The following ASAP2 variants were observed in gnomAD, a reference collection of about 807,000 sequenced individuals.
ASAP2 encodes the protein ArfGAP with SH3 domain, ankyrin repeat and PH domain 2.
ASAP2 carries 45 observed loss-of-function variants against 131.4 expected under a neutral mutation model. That is an observed-to-expected ratio of 0.34 (90% CI 0.27 to 0.44). The LOEUF is 0.44. Among genes scored for constraint, ASAP2 ranks in the 20% least tolerant of loss-of-function variants. The probability of loss-of-function intolerance (pLI) is 1.00; values close to 1 mark genes in which losing one functional copy is unlikely to be tolerated. For synonymous variants in ASAP2, 510 were observed against 503.0 expected, an observed-to-expected ratio of 1.01 and a Z score of -0.19; for missense variants, 1,011 against 1,297.0, an observed-to-expected ratio of 0.78 and a Z score of 3.39.
At chr2:9,241,901 AG>A (rs1297690405) in intron 1 of ASAP2, among the ~76,000 whole-genome samples, 1 of 152,170 alleles carries the variant, frequency 6.6e-6, no homozygotes, top group Non-Finnish European at 1.5e-5. Context: ...TGCACATGTT[AG>A]GGTCCCAATA....
At chr2:9,395,551 G>GT (rs1397703335) in intron 24 of ASAP2, among the ~76,000 whole-genome samples, 1 of 91,320 alleles carries the variant, frequency 1.1e-5, no homozygotes, top group Non-Finnish European at 2.6e-5. Flanking sequence ...CTGTGTTTTT[G>GT]TTTTTTTGTT....
intron 15 of ASAP2, among the ~76,000 whole-genome samples, chr2:9,361,082 T>TCTCCCAGAGC (rs1673044527): frequency 6.6e-6 from 1 of 152,210 alleles, no homozygotes; most frequent in Admixed American, 6.5e-5. Context: ...TCCATTTCTG[T>TCTCCCAGAGC]CTCCCAGAGC....
rs566156336 is a variant in ASAP2, at chr2:9,302,239, C to G, written c.345+4794C>G. On this transcript the variant is annotated intron_variant, in intron 3 of 27. Transcript: ENST00000281419. Reference sequence around the variant, plus strand: ...CCAGGCTGGAGCGCAGTGGTGCAGTCTTGGCTCACTGCAGCCTCTGCCTCT... The same window carrying G: ...CCAGGCTGGAGCGCAGTGGTGCAGTGTTGGCTCACTGCAGCCTCTGCCTCT... Among the ~76,000 whole-genome samples, 13 of 133,778 alleles carry G rather than the reference C, an allele frequency of 9.7e-5. No homozygotes were observed. The East Asian group carries it at 3.0e-3, about 30-fold the overall frequency. 87.8% of individuals were successfully genotyped at this position (133,778 alleles called of 152,430 possible). A position where few individuals can be genotyped will look rare whatever the true frequency, so the allele number is the denominator to read the frequency against.
chr2:9,293,970 C>T (rs931275469), intron 2 of ASAP2, among the ~76,000 whole-genome samples: 7 of 150,642 alleles, frequency 4.6e-5, no homozygotes, highest in African/African-American at 1.7e-4. Flanking sequence ...ATCAATACAT[C>T]GTTTAGAAGA....
chr2:9,291,023 A>G (rs922904055), intron 2 of ASAP2, among the ~76,000 whole-genome samples: 8 of 152,204 alleles, frequency 5.3e-5, no homozygotes, highest in Non-Finnish European at 8.8e-5. Context: ...GAGACTAAAT[A>G]TCTAATTTTA....
chr2:9,390,396 A>G (rs548043683), intron 22 of ASAP2, among the ~76,000 whole-genome samples: 6 of 152,216 alleles, frequency 3.9e-5, no homozygotes, highest in Non-Finnish European at 8.8e-5. Flanking sequence ...CAGGCCGTGC[A>G]CAGCCTCCAA....
rs762271258 is a variant in ASAP2 at position 9,385,348 on chromosome 2, A to G, written c.2120A>G (p.Glu707Gly). 14 of 1,612,996 alleles carry G rather than the reference A, an allele frequency of 8.7e-6. No individual in the cohort carries two copies. Among genetic ancestry groups the G allele is most frequent in the Non-Finnish European group, 1.0e-5 (12 of 1,179,012 alleles). The change falls in exon 21 of 28, where the codon GAG becomes GGG. Residue 707 changes from glutamate to glycine, a missense_variant. Transcript: ENST00000281419. ...GATGAAAGTGATGACGACATGGATG[A>G]GAAATTGCAGGTCTGTGCCAGGTTG... Reference protein sequence around the residue: ...DLDESDDDMDEKLQPSPNRRE... With the variant: ...DLDESDDDMDGKLQPSPNRRE...
At chr2:9,288,685 C>T (rs1667615713) in intron 2 of ASAP2, among the ~76,000 whole-genome samples, 1 of 152,104 alleles carries the variant, frequency 6.6e-6, no homozygotes, top group African/African-American at 2.4e-5. Flanking sequence ...GCTTGTACTC[C>T]CCATACAACA....
At chr2:9,265,652 G>A (rs931202629) in intron 1 of ASAP2, among the ~76,000 whole-genome samples, 3 of 152,050 alleles carry the variant, frequency 2.0e-5, no homozygotes, top group Non-Finnish European at 4.4e-5. Flanking sequence ...AGTTTTAAGT[G>A]TTTGATATAT....
intron 3 of ASAP2, among the ~76,000 whole-genome samples, chr2:9,302,663 C>T (rs1361106511): frequency 2.0e-5 from 3 of 152,048 alleles, no homozygotes; most frequent in East Asian, 1.9e-4. Context: ...TTAGTACAGA[C>T]GGGGTTTCTC....
rs572909995 is a variant in ASAP2, at chr2:9,218,505, G to A, written c.126+11275G>A. Among the ~76,000 whole-genome samples the A allele has an allele frequency of 1.4e-3, 212 of 152,324 alleles. 1 individual carries two copies. The highest frequency in any genetic ancestry group is 6.8e-3 in the Middle Eastern group (2 of 294). On this transcript the variant is annotated intron_variant, in intron 1 of 27. Coordinates refer to ENST00000281419, the MANE Select transcript of ASAP2 (RefSeq NM_003887.3). ...CTGAAGGGTGAATCATGGATGTGGC[G>A]TGTCTAGGCAGACTTGGGTGGAGAG...
At chr2:9,218,619 C>T (rs1181335954) in intron 1 of ASAP2, among the ~76,000 whole-genome samples, 1 of 152,178 alleles carries the variant, frequency 6.6e-6, no homozygotes, top group Non-Finnish European at 1.5e-5. Context: ...CCCTGATAGC[C>T]TGAATCTGTT....
chr2:9,347,673 CTTAGCCAAGTCTGTT>C (rs1672057633), intron 11 of ASAP2, among the ~76,000 whole-genome samples: 1 of 152,168 alleles, frequency 6.6e-6, no homozygotes, highest in South Asian at 2.1e-4. Context: ...GAATTTCCTT[CTTAGCCAAGTCTGTT>C]TTCTGGCCCT....
chr2:9,387,074 TGGGTG>T (rs759358038), intron 21 of ASAP2, among the ~76,000 whole-genome samples: 5 of 95,734 alleles, frequency 5.2e-5, no homozygotes, highest in Non-Finnish European at 1.0e-4. Flanking sequence ...GGCTTGGTGG[TGGGTG>T]GGGGGGCGCC....
intron 3 of ASAP2, among the ~76,000 whole-genome samples, chr2:9,317,349 TCA>T (rs963565112): frequency 1.5e-5 from 2 of 129,834 alleles, no homozygotes; most frequent in African/African-American, 6.0e-5. Flanking sequence ...ACACACACCC[TCA>T]CACAATCATT....
At chr2:9,212,520 C>T (rs1349830634) in intron 1 of ASAP2, among the ~76,000 whole-genome samples, 1 of 152,160 alleles carries the variant, frequency 6.6e-6, no homozygotes, top group Admixed American at 6.6e-5. Flanking sequence ...TGGTGGCCAG[C>T]TCGGCGTCTG....
intron 9 of ASAP2, among the ~76,000 whole-genome samples, chr2:9,339,645 A>G (rs1186751638): frequency 6.6e-6 from 1 of 152,144 alleles, no homozygotes; most frequent in Non-Finnish European, 1.5e-5. Context: ...TTCAACAGGA[A>G]TGGATACTGC....
At chr2:9,318,372 A>G in intron 3 of ASAP2, 152 bp from the exon 4 acceptor site, 1 of 612,046 alleles carries the variant, frequency 1.6e-6, no homozygotes. Flanking sequence ...TGTTACAAAG[A>G]ATGTATGACT....
chr2:9,401,129 C>A, intron 26 of ASAP2, 145 bp from the exon 27 acceptor site: 1 of 1,008,790 alleles, frequency 9.9e-7, no homozygotes, highest in Non-Finnish European at 1.5e-6. Context: ...CTGAGCTGCA[C>A]TGACCTGCCC....
Sources: allele counts gnomAD v4.1 joint callset (sites outside exome capture counted in the v4.1 genomes callset), GRCh38; gene constraint gnomAD v4.1.1; transcripts MANE v1.5; gene names NCBI Gene and HGNC (gene_info 2026-07-23, HGNC 2026-07-21).